Variants in FBXO4 observed in about 807,000 individuals in gnomAD.
The protein encoded by FBXO4 is F-box protein 4, also known as F-box only protein 4.
In FBXO4, 36 loss-of-function variants were observed where a neutral mutation model predicts 43.7. The ratio of observed to expected loss-of-function variants is 0.82; its 90% confidence interval spans 0.63 to 1.09. The LOEUF is 1.09. Ranked by LOEUF, FBXO4 falls within the 50% of genes least tolerant of loss-of-function variation. The pLI is 0.00. For missense variants in FBXO4, 435 were observed against 474.1 expected (o/e 0.92, Z 0.77); for synonymous variants, 180 against 165.6 (o/e 1.09, Z -0.67).
the FBXO4 span, among the ~76,000 whole-genome samples, chr5:41,958,317 G>A: frequency 6.6e-6 from 1 of 152,006 alleles, no homozygotes; most frequent in African/African-American, 2.4e-5. Flanking sequence ...TGTACTTTTA[G>A]TAGAGACAGG....
At chr5:42,035,628 T>G in the FBXO4 span, among the ~76,000 whole-genome samples, 5 of 152,098 alleles carry the variant, frequency 3.3e-5, no homozygotes, top group South Asian at 4.1e-4. Context: ...TGCCAGATAC[T>G]CAAGTTTGAA....
At chr5:41,966,700 A>AT in the FBXO4 span, among the ~76,000 whole-genome samples, 9 of 151,988 alleles carry the variant, frequency 5.9e-5, no homozygotes, top group African/African-American at 2.2e-4. Flanking sequence ...AGTTACTACC[A>AT]TTTTTTTCTT....
chr5:41,954,852 C>G, the FBXO4 span, among the ~76,000 whole-genome samples: 1 of 152,114 alleles, frequency 6.6e-6, no homozygotes, highest in Non-Finnish European at 1.5e-5. Flanking sequence ...AACATAGACA[C>G]TAAATATGAA....
the FBXO4 span, among the ~76,000 whole-genome samples, chr5:42,039,312 G>A: frequency 5.9e-5 from 9 of 152,004 alleles, no homozygotes; most frequent in African/African-American, 1.7e-4. Context: ...TCATGAAAAT[G>A]TTAAAAATGT....
At chr5:41,951,944 G>T in the FBXO4 span, 1 of 325,104 alleles carries the variant, frequency 3.1e-6, no homozygotes, top group Non-Finnish European at 5.9e-6. Context: ...CAGCCTGGTG[G>T]TCAGTATTCC....
chr5:41,941,384 GA>G lies in FBXO4; in HGVS notation c.*104del. ...GCCCACCTTGTCCTGCCTTTTTGCA[GA>G]TAGGCTTTCATTTGGACAGCTATAA... On this transcript the variant is annotated 3_prime_UTR_variant, in exon 7 of 7. Transcript: ENST00000281623. 2 of 898,782 alleles carry G rather than the reference GA, an allele frequency of 2.2e-6. No homozygotes were observed. Among genetic ancestry groups the G allele is most frequent in the Non-Finnish European group, 3.6e-6 (2 of 553,454 alleles). The allele number at this position is 898,782 out of a possible 1,614,324, so 55.7% of individuals were successfully genotyped here. A position where few individuals can be genotyped will look rare whatever the true frequency, so the allele number is the denominator to read the frequency against.
At chr5:41,927,866 A>C (rs918439100) in intron 2 of FBXO4, among the ~76,000 whole-genome samples, 1 of 152,220 alleles carries the variant, frequency 6.6e-6, no homozygotes, top group Non-Finnish European at 1.5e-5. Context: ...ATAGCTTGTA[A>C]GGGACTATTC....
the FBXO4 span, among the ~76,000 whole-genome samples, chr5:42,012,814 A>C: frequency 4.6e-5 from 7 of 152,162 alleles, no homozygotes; most frequent in Non-Finnish European, 1.0e-4. Context: ...CCCAAGAAAA[A>C]CAGGTATGAT....
the FBXO4 span, among the ~76,000 whole-genome samples, chr5:42,025,778 G>C: frequency 6.6e-6 from 1 of 151,864 alleles, no homozygotes; most frequent in African/African-American, 2.4e-5. Flanking sequence ...AGTTTTCTGT[G>C]AACTATTTAT....
chr5:41,980,188 AT>A, the FBXO4 span, among the ~76,000 whole-genome samples: 9 of 152,212 alleles, frequency 5.9e-5, no homozygotes, highest in African/African-American at 2.2e-4. Flanking sequence ...TATGTGTTAA[AT>A]AAAAAAATTA....
At chr5:41,947,627 G>A in the FBXO4 span, among the ~76,000 whole-genome samples, 1 of 152,334 alleles carries the variant, frequency 6.6e-6, no homozygotes, top group Non-Finnish European at 1.5e-5. Context: ...TAGGCTAGAA[G>A]TACATTCAAG....
chr5:41,945,986 T>C (rs1312924035), downstream of FBXO4, among the ~76,000 whole-genome samples: 1 of 152,254 alleles, frequency 6.6e-6, no homozygotes, highest in East Asian at 1.9e-4. Flanking sequence ...ACTGTACTTC[T>C]GCATACAGAT....
At chr5:41,948,168 G>A in the FBXO4 span, among the ~76,000 whole-genome samples, 1 of 140,734 alleles carries the variant, frequency 7.1e-6, no homozygotes, top group African/African-American at 2.7e-5. Flanking sequence ...ATGGAGTCTC[G>A]CTCATCGCCC....
chr5:41,997,851 G>A, the FBXO4 span, among the ~76,000 whole-genome samples: 2 of 152,162 alleles, frequency 1.3e-5, no homozygotes, highest in Non-Finnish European at 2.9e-5. Flanking sequence ...TGTTGGTAGT[G>A]TAGTGGGGTT....
At chr5:41,943,371 T>C (rs1490761731), downstream of FBXO4, among the ~76,000 whole-genome samples, 1 of 152,182 alleles carries the variant, frequency 6.6e-6, no homozygotes. Flanking sequence ...ACTCTGCCAA[T>C]TTTTATTGAC....
At chr5:42,027,043 G>T in the FBXO4 span, among the ~76,000 whole-genome samples, 1 of 151,680 alleles carries the variant, frequency 6.6e-6, no homozygotes, top group African/African-American at 2.4e-5. Flanking sequence ...TTTTGGGATC[G>T]GGGTAATGCT....
intron 3 of FBXO4, 162 bp downstream of exon 3, chr5:41,930,079 T>C: frequency 3.5e-6 from 2 of 572,304 alleles, no homozygotes; most frequent in Non-Finnish European, 6.0e-6. Flanking sequence ...AGAATTAATT[T>C]ACTTACTATA....
At chr5:41,954,770 A>G in the FBXO4 span, among the ~76,000 whole-genome samples, 1 of 152,204 alleles carries the variant, frequency 6.6e-6, no homozygotes, top group Non-Finnish European at 1.5e-5. Context: ...AAGGGGGTAT[A>G]TCAAAAAGGG....
the FBXO4 span, among the ~76,000 whole-genome samples, chr5:41,950,016 A>G: frequency 2.0e-5 from 3 of 152,340 alleles, no homozygotes; most frequent in Admixed American, 2.0e-4. Flanking sequence ...AGCTGTATGT[A>G]GAAAGCTGAA....
Sources: gnomAD v4.1 joint callset for allele counts (sites outside exome capture counted in the v4.1 genomes callset) on GRCh38, gnomAD v4.1.1 for gene constraint, MANE v1.5 for transcripts, NCBI Gene and HGNC (gene_info 2026-07-23, HGNC 2026-07-21) for gene names.